CAMTA1: variants seen among roughly 807,000 people sequenced by gnomAD.
CAMTA1 encodes calmodulin binding transcription activator 1.
CAMTA1 carries 27 observed loss-of-function variants against 170.9 expected under a neutral mutation model. The ratio of observed to expected loss-of-function variants is 0.16; its 90% confidence interval spans 0.12 to 0.22. The LOEUF is 0.22. CAMTA1 is among the 10% of genes least tolerant of loss of function. The pLI is 1.00. For synonymous variants in CAMTA1, 833 were observed against 891.5 expected (o/e 0.93, Z 1.17); for missense variants, 1,619 against 2,217.2 (o/e 0.73, Z 5.42).
chr1:6,839,741 T>G (rs1197344220), intron 3 of CAMTA1, among the ~76,000 whole-genome samples: 2 of 152,196 alleles, frequency 1.3e-5, no homozygotes, highest in East Asian at 3.9e-4. Context: ...GGAGGAATAT[T>G]CTAGGCAAAG....
chr1:6,987,754 G>A, intron 3 of CAMTA1, among the ~76,000 whole-genome samples: 1 of 152,170 alleles, frequency 6.6e-6, no homozygotes, highest in East Asian at 1.9e-4. Context: ...ACTAAATCCT[G>A]TAGGTCGTTG....
intron 4 of CAMTA1, among the ~76,000 whole-genome samples, chr1:7,194,009 T>TA (rs1452070081): frequency 6.6e-6 from 1 of 152,236 alleles, no homozygotes; most frequent in Non-Finnish European, 1.5e-5. Flanking sequence ...ATCTCACTGA[T>TA]ACGTAGATAG....
intron 3 of CAMTA1, among the ~76,000 whole-genome samples, chr1:6,868,319 AAAAACAAAAC>A (rs548053878): frequency 7.1e-4 from 100 of 140,592 alleles, no homozygotes; most frequent in South Asian, 1.9e-3. Flanking sequence ...TTTTTTTTTT[AAAAACAAAAC>A]AAAACAAAAC....
chr1:7,234,635 A>G lies in CAMTA1; in HGVS notation c.303-14856A>G, dbSNP rs1338854963. Among the ~76,000 whole-genome samples the G allele has an allele frequency of 1.3e-5, 2 of 152,210 alleles. No individual in the cohort carries two copies. Among genetic ancestry groups the G allele is most frequent in the African/African-American group, 4.8e-5 (2 of 41,462 alleles). ...TGGGAGCCCTGGGAAGGTGCCATGA[A>G]GGAGGCGTTCCTCCAGTCTTGCTCT... On this transcript the variant is annotated intron_variant, in intron 4 of 22. Coordinates refer to ENST00000303635, the MANE Select transcript of CAMTA1 (RefSeq NM_015215.4). The surrounding 1 kb of genome is among the most constrained non-coding windows in gnomAD (Gnocchi z 5.0).
intron 6 of CAMTA1, among the ~76,000 whole-genome samples, chr1:7,483,168 A>G (rs1164051520): frequency 6.6e-6 from 1 of 152,174 alleles, no homozygotes; most frequent in Non-Finnish European, 1.5e-5. Context: ...AGCAGGAAAG[A>G]GGCAGTGAGG....
At chr1:7,563,311 A>G (rs1179815421) in intron 6 of CAMTA1, among the ~76,000 whole-genome samples, 1 of 152,100 alleles carries the variant, frequency 6.6e-6, no homozygotes, top group East Asian at 1.9e-4. Context: ...CTCCTTACGG[A>G]GAGGCAGGGA....
chr1:7,577,823 T>C (rs899858492), intron 6 of CAMTA1, among the ~76,000 whole-genome samples: 2 of 152,216 alleles, frequency 1.3e-5, no homozygotes, highest in African/African-American at 4.8e-5. Context: ...ATGCACTGGC[T>C]GTGTTCCAAT....
intron 5 of CAMTA1, among the ~76,000 whole-genome samples, chr1:7,408,805 C>G (rs1173690534): frequency 1.3e-5 from 2 of 152,216 alleles, no homozygotes; most frequent in African/African-American, 4.8e-5. Flanking sequence ...TCTGAATTGG[C>G]AGGTGGGGAA....
At chr1:7,347,225 C>T (rs1395912780) in intron 5 of CAMTA1, among the ~76,000 whole-genome samples, 2 of 152,182 alleles carry the variant, frequency 1.3e-5, no homozygotes, top group Non-Finnish European at 2.9e-5. Context: ...GGCCTGTCCC[C>T]ACTTCGTCTT....
intron 5 of CAMTA1, among the ~76,000 whole-genome samples, chr1:7,388,897 A>G (rs999385708): frequency 3.3e-5 from 5 of 152,198 alleles, no homozygotes; most frequent in African/African-American, 1.2e-4. Flanking sequence ...TGCCCAGTGC[A>G]TGCACTGCTG....
intron 5 of CAMTA1, among the ~76,000 whole-genome samples, chr1:7,309,331 G>A (rs553595607): frequency 2.7e-4 from 30 of 110,774 alleles, no homozygotes; most frequent in Admixed American, 5.7e-4. Flanking sequence ...ACGGAGTCTC[G>A]CTCTGTCGCC....
intron 2 of CAMTA1, among the ~76,000 whole-genome samples, chr1:6,821,930 TTC>T (rs1023837294): frequency 1.3e-5 from 2 of 152,186 alleles, no homozygotes; most frequent in Non-Finnish European, 2.9e-5. Context: ...GGATGGTTCG[TTC>T]TTTAGAATTA....
intron 6 of CAMTA1, among the ~76,000 whole-genome samples, chr1:7,492,552 C>T (rs1379038961): frequency 6.6e-6 from 1 of 152,022 alleles, no homozygotes; most frequent in African/African-American, 2.4e-5. Context: ...GGCTTGAACA[C>T]ACACACGCAC....
chr1:7,208,661 C>T (rs931490371), intron 4 of CAMTA1, among the ~76,000 whole-genome samples: 2 of 152,102 alleles, frequency 1.3e-5, no homozygotes, highest in Non-Finnish European at 2.9e-5. Context: ...TGAGGGCTGC[C>T]GTGGGTTGGG....
In CAMTA1 at chr1:7,680,704, C is replaced by A. The variant is rs2096185204; in HGVS notation, c.2914+2971C>A. Among the ~76,000 whole-genome samples the A allele has an allele frequency of 6.6e-6, 1 of 152,064 alleles. No individual in the cohort carries two copies. Among genetic ancestry groups the A allele is most frequent in the Non-Finnish European group, 1.5e-5 (1 of 67,990 alleles). On this transcript the variant is annotated intron_variant, in intron 11 of 22. Coordinates refer to ENST00000303635, the MANE Select transcript of CAMTA1 (RefSeq NM_015215.4). The surrounding 1 kb of genome is among the most constrained non-coding windows in gnomAD (Gnocchi z 4.4). ...GGCCTCTGCTGCATGTGGGATGCGCCCTTTGTCCCCTCTGCCATGCGCGGG... is the reference window on the plus strand; with the variant it reads ...GGCCTCTGCTGCATGTGGGATGCGCACTTTGTCCCCTCTGCCATGCGCGGG...
At chr1:7,240,427 T>A (rs1263005425) in intron 4 of CAMTA1, among the ~76,000 whole-genome samples, 1 of 152,216 alleles carries the variant, frequency 6.6e-6, no homozygotes, top group African/African-American at 2.4e-5. Flanking sequence ...ACTCATAGAT[T>A]TAAACATATT....
At chr1:6,902,077 A>AAAAAAAT (rs1677152773) in intron 3 of CAMTA1, among the ~76,000 whole-genome samples, 27 of 70,868 alleles carry the variant, frequency 3.8e-4, no homozygotes, top group African/African-American at 9.5e-4. Flanking sequence ...ACACACAAAA[A>AAAAAAAT]AAAAAATAAA....
intron 5 of CAMTA1, among the ~76,000 whole-genome samples, chr1:7,446,034 G>C (rs1390211133): frequency 1.3e-5 from 2 of 152,120 alleles, no homozygotes; most frequent in African/African-American, 4.8e-5. Flanking sequence ...GAGTTGGGCT[G>C]GTGGGTGGAC....
chr1:6,945,391 C>T (rs1687399934), intron 3 of CAMTA1, among the ~76,000 whole-genome samples: 1 of 151,922 alleles, frequency 6.6e-6, no homozygotes, highest in Non-Finnish European at 1.5e-5. Context: ...GGTCTCACTC[C>T]AGGCTGGAGT....
Sources: allele counts gnomAD v4.1 joint callset (sites outside exome capture counted in the v4.1 genomes callset), GRCh38; gene constraint gnomAD v4.1.1; non-coding constraint Gnocchi (gnomAD v3.1); transcripts MANE v1.5; gene names NCBI Gene and HGNC (gene_info 2026-07-23, HGNC 2026-07-21).